The following IGSF11 variants were observed in gnomAD, a reference collection of about 807,000 sequenced individuals.
The protein encoded by IGSF11 is CXADR like 1.
A neutral mutation model predicts 41.0 loss-of-function variants in IGSF11; 22 were observed. The observed-to-expected ratio is 0.54, with a 90% CI of 0.38 to 0.77. The LOEUF is 0.77. Among genes scored for constraint, IGSF11 ranks in the 30% least tolerant of loss-of-function variants. The probability of loss-of-function intolerance (pLI) is 0.00; values close to 1 mark genes in which losing one functional copy is unlikely to be tolerated. For missense variants in IGSF11, 444 were observed against 530.8 expected (o/e 0.84, Z 1.61); for synonymous variants, 219 against 201.3 (o/e 1.09, Z -0.74).
intron 1 of IGSF11, among the ~76,000 whole-genome samples, chr3:119,127,971 T>C (rs1157242327): frequency 6.6e-6 from 1 of 152,118 alleles, no homozygotes; most frequent in African/African-American, 2.4e-5. Flanking sequence ...TAAAAACTAA[T>C]GACACATGAA....
At chr3:118,976,052 A>G (rs1934062362) in intron 1 of IGSF11, among the ~76,000 whole-genome samples, 1 of 152,158 alleles carries the variant, frequency 6.6e-6, no homozygotes, top group African/African-American at 2.4e-5. Context: ...AAAACAGAAC[A>G]TGAAACCGAT....
At chr3:119,144,629 A>G (rs1431349987) in intron 1 of IGSF11, among the ~76,000 whole-genome samples, 4 of 152,240 alleles carry the variant, frequency 2.6e-5, no homozygotes, top group Non-Finnish European at 5.9e-5. Flanking sequence ...CAAACACTTG[A>G]GAGATGCAGC....
upstream of IGSF11, among the ~76,000 whole-genome samples, chr3:119,038,895 C>G (rs561954676): frequency 6.6e-6 from 1 of 152,072 alleles, no homozygotes; most frequent in East Asian, 1.9e-4. Context: ...GGTTAGAGAC[C>G]TTGATTTATT....
chr3:119,140,661 A>G (rs1322667116), intron 1 of IGSF11, among the ~76,000 whole-genome samples: 1 of 152,204 alleles, frequency 6.6e-6, no homozygotes, highest in African/African-American at 2.4e-5. Context: ...CCGCAGCAGA[A>G]TATACATTCT....
intron 1 of IGSF11, among the ~76,000 whole-genome samples, chr3:118,988,626 C>T (rs1300863364): frequency 1.3e-5 from 2 of 152,098 alleles, no homozygotes; most frequent in Admixed American, 1.3e-4. Flanking sequence ...AGCTGGCTGT[C>T]CTCGGGGTGG....
At chr3:119,092,368 G>A (rs193295760) in intron 1 of IGSF11, among the ~76,000 whole-genome samples, 13 of 151,918 alleles carry the variant, frequency 8.6e-5, no homozygotes, top group African/African-American at 2.2e-4. Flanking sequence ...ATGGAGTCTC[G>A]CTCTGTTGAC....
At chr3:118,937,725 A>C (rs1227240721) in intron 1 of IGSF11, among the ~76,000 whole-genome samples, 1 of 152,210 alleles carries the variant, frequency 6.6e-6, no homozygotes, top group African/African-American at 2.4e-5. Context: ...TACAACGGCA[A>C]GCTACCATAA....
intron 1 of IGSF11, among the ~76,000 whole-genome samples, chr3:119,117,394 A>G (rs113425735): frequency 3.3e-5 from 5 of 152,300 alleles, no homozygotes; most frequent in African/African-American, 1.2e-4. Context: ...CACGTCTTAC[A>G]TGGATGGCAG....
At chr3:118,906,684 A>C (rs1242014667) in intron 4 of IGSF11, among the ~76,000 whole-genome samples, 1 of 152,184 alleles carries the variant, frequency 6.6e-6, no homozygotes, top group East Asian at 1.9e-4. Flanking sequence ...TCAATAGTTC[A>C]CATTTTAGTA....
At chr3:119,077,600 TC>T (rs1482120203) in intron 1 of IGSF11, among the ~76,000 whole-genome samples, 1 of 151,902 alleles carries the variant, frequency 6.6e-6, no homozygotes, top group Non-Finnish European at 1.5e-5. Context: ...CTGGAAGAAT[TC>T]CCCCTTAGAA....
chr3:118,923,032 T>C (rs2160052), intron 4 of IGSF11, among the ~76,000 whole-genome samples: 46,998 of 151,978 alleles, frequency 0.31, 10,832 homozygotes, highest in African/African-American at 0.64. Context: ...AATGCAGTGA[T>C]ACTCAGGTAT....
chr3:119,047,129 C>T (rs1051849042), intron 1 of IGSF11, among the ~76,000 whole-genome samples: 4 of 149,738 alleles, frequency 2.7e-5, no homozygotes, highest in African/African-American at 9.9e-5. Flanking sequence ...ATGACAGGAT[C>T]AAATTCACAC....
In IGSF11 at chr3:119,029,863, G is replaced by C. The variant is rs187168595; in HGVS notation, c.52+4668C>G. On this transcript the variant is annotated intron_variant, in intron 1 of 6. Coordinates refer to ENST00000393775, the MANE Select transcript of IGSF11 (RefSeq NM_001015887.3). ...AATATATTAGAGTTACATTCACAAA[G>C]TCATATTGTATTATTACATATTTGT... 9.2e-5 allele frequency among the ~76,000 whole-genome samples: 14 copies of C among 152,284 alleles called. No individual in the cohort carries two copies. The East Asian group carries it at 2.7e-3, about 29-fold the overall frequency.
At chr3:119,003,360 A>G (rs1310199698) in intron 1 of IGSF11, among the ~76,000 whole-genome samples, 3 of 148,534 alleles carry the variant, frequency 2.0e-5, no homozygotes, top group Admixed American at 6.7e-5. Context: ...TTATCAGCTT[A>G]AGGAGATTTT....
rs562110871 is a variant in IGSF11 at position 119,034,663 on chromosome 3, T to C, written c.-81A>G. 6 of 1,464,514 alleles carry C rather than the reference T, an allele frequency of 4.1e-6. No homozygotes were observed. The East Asian group carries it at 1.1e-4, about 27-fold the overall frequency. 90.7% of individuals were successfully genotyped at this position (1,464,514 alleles called of 1,614,324 possible). A position where few individuals can be genotyped will look rare whatever the true frequency, so the allele number is the denominator to read the frequency against. Reference sequence around the variant, plus strand: ...GAGGAGCGGGCGTGAGTCTCCGCGCTCTTGGGGCAGCCTGGTCCTCCCACA... The same window carrying C: ...GAGGAGCGGGCGTGAGTCTCCGCGCCCTTGGGGCAGCCTGGTCCTCCCACA... On this transcript the variant is annotated 5_prime_UTR_variant, in exon 1 of 7. Transcript: ENST00000393775.
chr3:118,902,458 C>A lies in IGSF11; in HGVS notation c.*62G>T. On this transcript the variant is annotated 3_prime_UTR_variant, in exon 7 of 7. Transcript: ENST00000393775. ...TTCTTTCCCAGCACTCCCCACCCCA[C>A]CCTCCCCCTTGTATGAGGGCATTCC... is the stretch of plus-strand genomic sequence containing the variant. 6 of 616,420 alleles carry A rather than the reference C, an allele frequency of 9.7e-6. No individual in the cohort carries two copies. Among genetic ancestry groups the A allele is most frequent in the South Asian group, 6.9e-5 (4 of 57,596 alleles). 38.2% of individuals were successfully genotyped at this position (616,420 alleles called of 1,614,324 possible). A position where few individuals can be genotyped will look rare whatever the true frequency, so the allele number is the denominator to read the frequency against.
chr3:118,955,227 C>G (rs1208067285), intron 1 of IGSF11, among the ~76,000 whole-genome samples: 52 of 88,736 alleles, frequency 5.9e-4, no homozygotes, highest in African/African-American at 3.0e-3. Context: ...CATACACACA[C>G]ACACACACAC....
Position 118,927,424 on chromosome 3 carries a change from T to C in IGSF11, c.424+1085A>G, listed in dbSNP as rs150750555. The stretch of plus-strand genomic sequence containing the variant: ...AATATTTAATTCCATTAGTACACTA[T>C]ACTCGGTACTCAGAGTATTTTATAA... On this transcript the variant is annotated intron_variant, in intron 3 of 6. Transcript: ENST00000393775. Among the ~76,000 whole-genome samples the C allele has an allele frequency of 3.5e-3, 540 of 152,344 alleles. 5 individuals are homozygous for C. The highest frequency in any genetic ancestry group is 0.012 in the African/African-American group (517 of 41,582).
At chr3:119,060,070 A>G (rs1042507245) in intron 1 of IGSF11, among the ~76,000 whole-genome samples, 3 of 152,122 alleles carry the variant, frequency 2.0e-5, no homozygotes, top group African/African-American at 7.2e-5. Context: ...TCATTTGGCT[A>G]TTCAGCCTCC....
Sources: gnomAD v4.1 joint callset for allele counts (sites outside exome capture counted in the v4.1 genomes callset) on GRCh38, gnomAD v4.1.1 for gene constraint, MANE v1.5 for transcripts, NCBI Gene and HGNC (gene_info 2026-07-23, HGNC 2026-07-21) for gene names.